The following GARNL3 variants were observed in gnomAD, a reference collection of about 807,000 sequenced individuals.
GARNL3 encodes GTPase-activating Rap/Ran-GAP domain-like protein 3.
GARNL3 carries 63 observed loss-of-function variants against 125.0 expected under a neutral mutation model. The ratio of observed to expected loss-of-function variants is 0.50; its 90% confidence interval spans 0.41 to 0.62. The LOEUF is 0.62. Ranked by LOEUF, GARNL3 falls within the 20% of genes least tolerant of loss-of-function variation. The probability of loss-of-function intolerance (pLI) is 0.00; values close to 1 mark genes in which losing one functional copy is unlikely to be tolerated. For missense variants in GARNL3, 994 were observed against 1,244.0 expected, an observed-to-expected ratio of 0.80 and a Z score of 3.02; for synonymous variants, 439 against 457.5, an observed-to-expected ratio of 0.96 and a Z score of 0.52.
chr9:127,328,441 A>G (rs1829019844), intron 7 of GARNL3, among the ~76,000 whole-genome samples: 1 of 152,286 alleles, frequency 6.6e-6, no homozygotes. Flanking sequence ...GTAATCCAAT[A>G]AAGAATACTA....
At chr9:127,373,245 G>A (rs1393926068) in intron 22 of GARNL3, among the ~76,000 whole-genome samples, 3 of 152,228 alleles carry the variant, frequency 2.0e-5, no homozygotes, top group Non-Finnish European at 4.4e-5. Flanking sequence ...CTGAAAAGAA[G>A]CCTCAAGTAT....
chr9:127,263,100 C>T (rs558609427), upstream of GARNL3, among the ~76,000 whole-genome samples: 13 of 152,334 alleles, frequency 8.5e-5, no homozygotes, highest in Admixed American at 2.6e-4. Context: ...TGGACATTCT[C>T]TTTATAGCTT....
At chr9:127,301,621 A>G (rs1487212982) in intron 2 of GARNL3, among the ~76,000 whole-genome samples, 2 of 152,166 alleles carry the variant, frequency 1.3e-5, no homozygotes, top group Non-Finnish European at 2.9e-5. Flanking sequence ...TGCATTGTCT[A>G]CATTGAATTT....
At chr9:127,355,262 G>A (rs780667420) in intron 19 of GARNL3, 35 bp from the exon 20 acceptor site, 4 of 1,597,418 alleles carry the variant, frequency 2.5e-6, no homozygotes, top group South Asian at 1.1e-5. Flanking sequence ...ACACCCGCAT[G>A]TCATGTGTAA....
intron 1 of GARNL3, among the ~76,000 whole-genome samples, chr9:127,268,616 G>A (rs1428062191): frequency 6.6e-6 from 1 of 152,104 alleles, no homozygotes; most frequent in Non-Finnish European, 1.5e-5. Context: ...TACAGTTCAA[G>A]GAGCATTAAA....
Position 127,389,041 on chromosome 9 carries a change from A to C in GARNL3, c.2665A>C (p.Ile889Leu). The C allele has an allele frequency of 1.9e-6, 3 of 1,614,166 alleles. No homozygotes were observed. The highest frequency in any genetic ancestry group is 2.5e-6 in the Non-Finnish European group (3 of 1,180,010). Residue 889 changes from isoleucine to leucine, a missense_variant, in exon 26 of 28, where the codon ATT (isoleucine) becomes CTT (leucine). Physicochemically the swap from Ile to Leu is conservative, Grantham distance 5 (BLOSUM62 2). Transcript: ENST00000373387. ...PTPISVGLAA[I>L]PVTHSLSLSR... Reference sequence around the variant, plus strand: ...TCCCATCAGTGTGGGCCTTGCTGCCATTCCAGTCACGCACTCCTTGTCCCT... The same window carrying C: ...TCCCATCAGTGTGGGCCTTGCTGCCCTTCCAGTCACGCACTCCTTGTCCCT...
rs1830630497 is a variant in GARNL3 at position 127,355,321 on chromosome 9, C to G, written c.1784C>G (p.Thr595Ser). The G allele has an allele frequency of 6.2e-7, 1 of 1,614,188 alleles. No individual in the cohort carries two copies. Among genetic ancestry groups the G allele is most frequent in the Non-Finnish European group, 8.5e-7 (1 of 1,180,014 alleles). ...TKGCHLYAIN[T>S]HHSRELRIVV... is the part of the protein sequence containing the mutation. ...GGCTGCCACCTGTATGCTATTAACA[C>G]TCACCACAGCAGAGAGCTGAGGATT... The change falls in exon 20 of 28, where the codon ACT becomes AGT. Residue 595 changes from threonine (T) to serine (S), a missense_variant. Thr to Ser is a moderately conservative substitution (Grantham distance 58). This residue lies in a region of GARNL3 where 728 missense variants were observed against 865.7 expected (regional missense o/e 0.84). Transcript: ENST00000373387.
At chr9:127,240,508 G>T (rs1472310220) in intron 1 of GARNL3, among the ~76,000 whole-genome samples, 3 of 152,162 alleles carry the variant, frequency 2.0e-5, no homozygotes, top group Non-Finnish European at 4.4e-5. Context: ...TGTCTCAGGT[G>T]GGGACAACTC....
At chr9:127,263,206 G>C (rs918840723), upstream of GARNL3, among the ~76,000 whole-genome samples, 1 of 152,294 alleles carries the variant, frequency 6.6e-6, no homozygotes, top group African/African-American at 2.4e-5. Flanking sequence ...TTTGTGTCTG[G>C]CTGCTGGTAA....
chr9:127,355,542 A>C (rs1359598743), intron 20 of GARNL3, 70 bp downstream of exon 20: 20 of 1,454,714 alleles, frequency 1.4e-5, no homozygotes, highest in Non-Finnish European at 1.8e-5. Context: ...CCTTCCACCC[A>C]GAGTTTGTTA....
At chr9:127,393,032 C>T (rs1394067562) in intron 27 of GARNL3, 51 bp from the exon 28 acceptor site, 1 of 1,442,096 alleles carries the variant, frequency 6.9e-7, no homozygotes, top group Non-Finnish European at 9.5e-7. Context: ...AAAATAGGCC[C>T]AGTTCTGTGG....
intron 22 of GARNL3, among the ~76,000 whole-genome samples, chr9:127,370,996 A>G (rs760193399): frequency 6.6e-6 from 1 of 152,048 alleles, no homozygotes; most frequent in African/African-American, 2.4e-5. Flanking sequence ...TGAACTCGAG[A>G]TCTTTCCTCC....
At chr9:127,236,129 C>G (rs2063108717) in intron 1 of GARNL3, among the ~76,000 whole-genome samples, 1 of 152,152 alleles carries the variant, frequency 6.6e-6, no homozygotes, top group African/African-American at 2.4e-5. Flanking sequence ...TTGGCTAGAC[C>G]TGAAATCACA....
chr9:127,238,175 G>A (rs532342445), intron 1 of GARNL3, among the ~76,000 whole-genome samples: 12 of 152,300 alleles, frequency 7.9e-5, no homozygotes, highest in Middle Eastern at 3.4e-3. Context: ...CTTTAGTAGA[G>A]ACGGGGTTTC....
intron 13 of GARNL3, among the ~76,000 whole-genome samples, chr9:127,339,997 G>A (rs995266375): frequency 6.6e-6 from 1 of 152,004 alleles, no homozygotes; most frequent in African/African-American, 2.4e-5. Context: ...AAGGACCCTC[G>A]GGCCTCAAAT....
chr9:127,353,667 T>G, intron 17 of GARNL3, 179 bp from the exon 18 acceptor site: 2 of 618,490 alleles, frequency 3.2e-6, no homozygotes, highest in Admixed American at 3.1e-5. Context: ...TACTTCTTCC[T>G]GAGCTAGGAG....
chr9:127,374,531 A>G (rs1269343852), intron 22 of GARNL3, among the ~76,000 whole-genome samples: 3 of 152,228 alleles, frequency 2.0e-5, no homozygotes, highest in African/African-American at 7.2e-5. Flanking sequence ...ATCAAAACTA[A>G]GAACTTCCTT....
At chr9:127,338,032 G>C (rs1294229828) in intron 11 of GARNL3, 84 bp from the exon 12 acceptor site, 1 of 1,002,480 alleles carries the variant, frequency 1.0e-6, no homozygotes, top group Non-Finnish European at 1.6e-6. Flanking sequence ...GGTCGAGAAT[G>C]ACTCTGCACA....
At chr9:127,279,971 C>A (rs1346316667) in intron 1 of GARNL3, among the ~76,000 whole-genome samples, 14 of 152,136 alleles carry the variant, frequency 9.2e-5, no homozygotes, top group Admixed American at 8.5e-4. Flanking sequence ...TAAAGCTCTG[C>A]TGGAGTGAGA....
Sources: gnomAD v4.1 joint callset for allele counts (sites outside exome capture counted in the v4.1 genomes callset) on GRCh38, gnomAD v4.1.1 for gene constraint, gnomAD v4.1.1 regional missense constraint, MANE v1.5 for transcripts, NCBI Gene and HGNC (gene_info 2026-07-23, HGNC 2026-07-21) for gene names.